The following ACSF3 variants were observed in gnomAD, a reference collection of about 807,000 sequenced individuals.
ACSF3 encodes the protein acyl-CoA synthetase family member 3.
ACSF3 carries 78 observed loss-of-function variants against 53.2 expected under a neutral mutation model. That is an observed-to-expected ratio of 1.47 (90% CI 1.22 to 1.77). The LOEUF is 1.77. Among genes scored for constraint, ACSF3 ranks in the 40% most tolerant of loss-of-function variants. The pLI is 0.00. For missense variants in ACSF3, 937 were observed against 771.1 expected (o/e 1.22, Z -2.55); for synonymous variants, 414 against 333.1 (o/e 1.24, Z -2.65).
chr16:89,150,922 G>A lies in ACSF3; in HGVS notation c.1614-3168G>A. 8.6e-6 allele frequency: 10 copies of A among 1,168,710 alleles called. No individual in the cohort carries two copies. In the South Asian group the frequency reaches 1.3e-4, roughly 15 times the overall value. The allele number at this position is 1,168,710 out of a possible 1,614,324, so 72.4% of individuals were successfully genotyped here. On this transcript the variant is annotated intron_variant, in intron 10 of 10. Transcript: ENST00000614302. The stretch of plus-strand genomic sequence containing the variant: ...GGAGGCAGGAGGAAGTAAGTTAGAG[G>A]ATTAATCCAAATGTTCCAACTGTCT...
At chr16:89,134,261 T>C (rs1025063891) in intron 8 of ACSF3, among the ~76,000 whole-genome samples, 2 of 152,112 alleles carry the variant, frequency 1.3e-5, no homozygotes, top group Non-Finnish European at 2.9e-5. Context: ...AATGGAATCT[T>C]GGGCCATGCG....
chr16:89,140,681 G>A (rs1380808374), intron 8 of ACSF3, among the ~76,000 whole-genome samples: 1 of 152,104 alleles, frequency 6.6e-6, no homozygotes, highest in East Asian at 1.9e-4. Context: ...TCTTGCGTGC[G>A]GGTCAGGACA....
intron 10 of ACSF3, chr16:89,152,877 TAGAA>T (rs1324134621): frequency 6.6e-6 from 1 of 152,034 alleles, no homozygotes; most frequent in Non-Finnish European, 1.5e-5. Context: ...GATCCTGTCC[TAGAA>T]AGAAAAGAGA....
At chr16:89,141,925 C>T (rs1347154150) in intron 8 of ACSF3, among the ~76,000 whole-genome samples, 2 of 152,230 alleles carry the variant, frequency 1.3e-5, no homozygotes, top group African/African-American at 4.8e-5. Context: ...GACAGGCGTC[C>T]ATCACAGAGA....
chr16:89,116,059 TCA>T (rs1332368682), intron 6 of ACSF3, among the ~76,000 whole-genome samples: 1 of 152,216 alleles, frequency 6.6e-6, no homozygotes, highest in African/African-American at 2.4e-5. Flanking sequence ...TAGCCCAAAG[TCA>T]CAGAGAATAG....
chr16:89,124,549 GTATGTA>G (rs1353479881), intron 7 of ACSF3, among the ~76,000 whole-genome samples: 1 of 81,568 alleles, frequency 1.2e-5, no homozygotes, highest in East Asian at 2.2e-4. Flanking sequence ...TCTGCTCACT[GTATGTA>G]TGTGTGTGAG....
intron 10 of ACSF3, chr16:89,149,181 A>G (rs1913654006): frequency 6.6e-6 from 1 of 152,190 alleles, no homozygotes; most frequent in Admixed American, 6.5e-5. Flanking sequence ...CGCTATTAGC[A>G]TTTTAGTCAC....
At chr16:89,129,755 T>TA (rs979196871) in intron 7 of ACSF3, among the ~76,000 whole-genome samples, 2 of 152,246 alleles carry the variant, frequency 1.3e-5, no homozygotes, top group African/African-American at 4.8e-5. Context: ...CTTAAGTTTT[T>TA]GACCATAAAT....
intron 4 of ACSF3, among the ~76,000 whole-genome samples, chr16:89,109,090 G>A (rs1469432098): frequency 6.6e-6 from 1 of 151,862 alleles, no homozygotes; most frequent in African/African-American, 2.4e-5. Flanking sequence ...AAATTAGCCA[G>A]GCACCGTGGT....
In ACSF3 at chr16:89,154,509, G is replaced by A; in HGVS notation, c.*302G>A. 3.6e-6 allele frequency: 2 copies of A among 555,452 alleles called. No individual in the cohort carries two copies. Among genetic ancestry groups the A allele is most frequent in the Non-Finnish European group, 6.8e-6 (2 of 292,792 alleles). 34.4% of individuals were successfully genotyped at this position (555,452 alleles called of 1,614,324 possible). A position where few individuals can be genotyped will look rare whatever the true frequency, so the allele number is the denominator to read the frequency against. On this transcript the variant is annotated 3_prime_UTR_variant, in exon 11 of 11. Coordinates refer to ENST00000614302, the MANE Select transcript of ACSF3 (RefSeq NM_001243279.3). ...GTGCTGAGGCACCTCCCGCCCCACA[G>A]TGCCCTGCAGTTGCCAGGCTCTCCA...
At chr16:89,144,144 A>G (rs1282859484) in intron 8 of ACSF3, among the ~76,000 whole-genome samples, 2 of 152,200 alleles carry the variant, frequency 1.3e-5, no homozygotes. Context: ...GTCATGAGAC[A>G]GCTTCGGGCT....
At chr16:89,143,222 G>A (rs1023781909) in intron 8 of ACSF3, among the ~76,000 whole-genome samples, 2 of 148,988 alleles carry the variant, frequency 1.3e-5, no homozygotes, top group Non-Finnish European at 3.0e-5. Flanking sequence ...TGCAGTCTCA[G>A]CCCCGTGCGT....
intron 7 of ACSF3, among the ~76,000 whole-genome samples, chr16:89,123,107 G>C (rs1907060974): frequency 6.6e-6 from 1 of 152,196 alleles, no homozygotes; most frequent in African/African-American, 2.4e-5. Flanking sequence ...AACATTTCCA[G>C]TTCAGCCAAG....
Position 89,144,078 on chromosome 16 carries a change from A to G in ACSF3, c.1367-1189A>G, listed in dbSNP as rs571084362. Among the ~76,000 whole-genome samples the G allele has an allele frequency of 3.9e-5, 6 of 152,314 alleles. No homozygotes were observed. In the South Asian group the frequency reaches 1.2e-3, roughly 32 times the overall value. On this transcript the variant is annotated intron_variant, in intron 8 of 10. Transcript: ENST00000614302. ...CGTGCACATGCTCACAGTCACGCATACCGCGCCCTCCCAGCTGCACACACG... is the reference window on the plus strand; with the variant it reads ...CGTGCACATGCTCACAGTCACGCATGCCGCGCCCTCCCAGCTGCACACACG...
At position 89,145,276 on chromosome 16, in the gene ACSF3, T is replaced by TG. The variant is rs751342087; in HGVS notation, c.1378dup (p.Val460GlyfsTer3). The TG allele has an allele frequency of 9.3e-6, 15 of 1,613,566 alleles. No individual in the cohort carries two copies. The highest frequency in any genetic ancestry group is 1.3e-5 in the Non-Finnish European group (15 of 1,179,910). On this transcript the variant is annotated frameshift_variant, in exon 9 of 11. Coordinates refer to ENST00000614302, the MANE Select transcript of ACSF3 (RefSeq NM_001243279.3). LOFTEE classifies it high-confidence loss of function. ...AGCCCCTTTTCCTCAGGGGACACCG[T>TG]GGTGTTTAAGGATGGCCAGTACTGG...
At chr16:89,127,848 AG>A (rs1304926564) in intron 7 of ACSF3, among the ~76,000 whole-genome samples, 1 of 152,202 alleles carries the variant, frequency 6.6e-6, no homozygotes, top group Non-Finnish European at 1.5e-5. Flanking sequence ...AACCATTAAA[AG>A]GTTGATTAAA....
At chr16:89,127,133 A>G (rs1266675971) in intron 7 of ACSF3, among the ~76,000 whole-genome samples, 1 of 140,710 alleles carries the variant, frequency 7.1e-6, no homozygotes, top group Non-Finnish European at 1.6e-5. Flanking sequence ...CATATTGCTG[A>G]GTATTTTTGC....
rs767674227 is a variant in ACSF3 at position 89,154,342 on chromosome 16, C to G, written c.*135C>G. 2.3e-6 allele frequency: 2 copies of G among 853,100 alleles called. No homozygotes were observed. Among genetic ancestry groups the G allele is most frequent in the Non-Finnish European group, 3.8e-6 (2 of 522,860 alleles). The allele number at this position is 853,100 out of a possible 1,614,324, so 52.8% of individuals were successfully genotyped here. A position where few individuals can be genotyped will look rare whatever the true frequency, so the allele number is the denominator to read the frequency against. On this transcript the variant is annotated 3_prime_UTR_variant, in exon 11 of 11. Transcript: ENST00000614302. ...AAATCAGGTCACGTAGAATCAAGAA[C>G]TGTTTGGGATGAAATCACCATGTGG...
intron 10 of ACSF3, chr16:89,152,810 G>T (rs1156545782): frequency 6.6e-6 from 1 of 152,218 alleles, no homozygotes; most frequent in Admixed American, 6.5e-5. Flanking sequence ...AGCCCAGGAA[G>T]TCGAGGCTTC....
Sources: gnomAD v4.1 joint callset for allele counts (sites outside exome capture counted in the v4.1 genomes callset) on GRCh38, gnomAD v4.1.1 for gene constraint, MANE v1.5 for transcripts, NCBI Gene and HGNC (gene_info 2026-07-23, HGNC 2026-07-21) for gene names.